RASSF8: variants seen among roughly 807,000 people sequenced by gnomAD.
RASSF8 encodes Ras association domain family member 8.
Under a neutral mutation model 48.5 loss-of-function variants are expected in RASSF8, and 22 were observed. That is an observed-to-expected ratio of 0.45 (90% CI 0.32 to 0.65). The LOEUF (loss-of-function observed/expected upper bound fraction) is 0.65, where lower values mean the gene tolerates loss of function less well. RASSF8 is among the 30% of genes least tolerant of loss of function. The pLI is 0.03. For synonymous variants in RASSF8, 127 were observed against 171.5 expected (o/e 0.74, Z 2.03); for missense variants, 418 against 489.2 (o/e 0.85, Z 1.37).
intron 2 of RASSF8, among the ~76,000 whole-genome samples, chr12:26,004,433 G>T (rs1942336039): frequency 6.6e-6 from 1 of 152,152 alleles, no homozygotes; most frequent in South Asian, 2.1e-4. Context: ...ATGGGGGTTA[G>T]GGAGTGCCAG....
intron 1 of RASSF8, among the ~76,000 whole-genome samples, chr12:25,976,804 A>G (rs1028158166): frequency 1.3e-5 from 2 of 152,182 alleles, no homozygotes; most frequent in African/African-American, 2.4e-5. Context: ...TACCGGTGAC[A>G]TGACTTTCTC....
intron 1 of RASSF8, among the ~76,000 whole-genome samples, chr12:25,982,962 G>A (rs529932415): frequency 3.4e-4 from 52 of 152,312 alleles, no homozygotes; most frequent in Admixed American, 6.5e-4. Context: ...TTCCACCATA[G>A]TAGCACAAGG....
chr12:26,007,137 T>C (rs1319681248), intron 2 of RASSF8, among the ~76,000 whole-genome samples: 3 of 152,044 alleles, frequency 2.0e-5, no homozygotes, highest in Non-Finnish European at 2.9e-5. Context: ...AGCAACCAGC[T>C]CTGGCAGAGC....
chr12:25,970,758 T>C (rs7959805), intron 1 of RASSF8, among the ~76,000 whole-genome samples: 7,947 of 152,254 alleles, frequency 0.052, 257 homozygotes, highest in Middle Eastern at 0.095. Context: ...TGCCCTCCCA[T>C]CCCTTGACTG....
In RASSF8 at chr12:25,992,996, C is replaced by T. The variant is rs74071345; in HGVS notation, c.-202-2041C>T. ...GTAAAGTGACCTGGTGAAGAGTGAA[C>T]AATGGATTGAGTAGTTAGGAGGTTG... On this transcript the variant is annotated intron_variant, in intron 1 of 5. Transcript: ENST00000689635. 3.6e-3 allele frequency among the ~76,000 whole-genome samples: 548 copies of T among 152,160 alleles called. 5 individuals carry two copies. Among genetic ancestry groups the T allele is most frequent in the African/African-American group, 0.013 (536 of 41,508 alleles).
At chr12:26,057,796 C>A (rs1004320002) in intron 3 of RASSF8, among the ~76,000 whole-genome samples, 2 of 152,136 alleles carry the variant, frequency 1.3e-5, no homozygotes, top group Non-Finnish European at 2.9e-5. Context: ...TCTGTTGTTT[C>A]CTGACTTTTT....
intron 1 of RASSF8, among the ~76,000 whole-genome samples, chr12:25,982,261 A>G (rs762934675): frequency 6.6e-6 from 1 of 152,380 alleles, no homozygotes; most frequent in East Asian, 1.9e-4. Context: ...AACAATGACT[A>G]AAATATAGAC....
intron 2 of RASSF8, among the ~76,000 whole-genome samples, chr12:26,031,395 A>T (rs905549954): frequency 2.6e-5 from 4 of 152,172 alleles, no homozygotes; most frequent in Non-Finnish European, 5.9e-5. Context: ...CGTGAGACCC[A>T]TCCATCCTCA....
At chr12:26,079,108 A>G in exon 6 of RASSF8, 1 of 1,470,326 alleles carries the variant, frequency 6.8e-7, no homozygotes, top group Non-Finnish European at 9.2e-7. Context: ...GAAAAGCAAA[A>G]ATGAACAAGT....
chr12:26,038,709 G>A (rs1943203940), intron 2 of RASSF8, among the ~76,000 whole-genome samples: 2 of 151,430 alleles, frequency 1.3e-5, no homozygotes, highest in Admixed American at 1.3e-4. Flanking sequence ...TATAAGTAGT[G>A]CTCAGTGAAG....
chr12:25,973,222 A>T (rs1447803041), intron 1 of RASSF8, among the ~76,000 whole-genome samples: 1 of 151,372 alleles, frequency 6.6e-6, no homozygotes, highest in African/African-American at 2.4e-5. Context: ...TTTTTTTAGA[A>T]GCAAAGGCTA....
At chr12:25,988,535 A>C (rs1316774046) in intron 1 of RASSF8, among the ~76,000 whole-genome samples, 1 of 152,194 alleles carries the variant, frequency 6.6e-6, no homozygotes, top group Non-Finnish European at 1.5e-5. Context: ...TTAGTACAAA[A>C]ATAGAACTTA....
chr12:26,011,840 T>G (rs550979994), intron 2 of RASSF8: 210 of 152,368 alleles, frequency 1.4e-3, no homozygotes, highest in African/African-American at 5.0e-3. Context: ...AAAATTTGTG[T>G]TGTTCATAAG....
chr12:25,995,440 C>A (rs564631085), intron 2 of RASSF8, among the ~76,000 whole-genome samples: 1 of 152,242 alleles, frequency 6.6e-6, no homozygotes, highest in African/African-American at 2.4e-5. Flanking sequence ...CTGTGTGTCA[C>A]CACTCTTGGG....
chr12:25,983,316 T>C (rs1592230830), intron 1 of RASSF8, among the ~76,000 whole-genome samples: 1 of 152,306 alleles, frequency 6.6e-6, no homozygotes, highest in Non-Finnish European at 1.5e-5. Flanking sequence ...GCAAATAGGT[T>C]TAATGGCAAA....
intron 2 of RASSF8, among the ~76,000 whole-genome samples, chr12:26,054,818 TG>T (rs1167244323): frequency 5.9e-5 from 9 of 152,236 alleles, no homozygotes; most frequent in African/African-American, 1.9e-4. Flanking sequence ...TTAATAGTAT[TG>T]GCAAAACACT....
chr12:26,032,391 G>C (rs978457146), intron 2 of RASSF8, among the ~76,000 whole-genome samples: 1 of 152,174 alleles, frequency 6.6e-6, no homozygotes, highest in African/African-American at 2.4e-5. Context: ...ACTTTGGAAT[G>C]TTGATAGAAA....
chr12:25,961,771 A>G (rs142979043), intron 1 of RASSF8, among the ~76,000 whole-genome samples: 1 of 152,278 alleles, frequency 6.6e-6, no homozygotes, highest in African/African-American at 2.4e-5. Context: ...GCTCTTGGTC[A>G]CTCAAACTTT....
intron 1 of RASSF8, among the ~76,000 whole-genome samples, chr12:25,985,236 G>C (rs1941844729): frequency 1.3e-5 from 2 of 152,156 alleles, no homozygotes; most frequent in Admixed American, 1.3e-4. Context: ...TTTTGTGTGT[G>C]TGTGGGAGGG....
Sources: allele counts gnomAD v4.1 joint callset (sites outside exome capture counted in the v4.1 genomes callset), GRCh38; gene constraint gnomAD v4.1.1; transcripts MANE v1.5; gene names NCBI Gene and HGNC (gene_info 2026-07-23, HGNC 2026-07-21).